The following ADORA2B variants were observed in gnomAD, a reference collection of about 807,000 sequenced individuals.
ADORA2B encodes adenosine receptor A2b.
Under a neutral mutation model 20.8 loss-of-function variants are expected in ADORA2B, and 18 were observed. The observed-to-expected ratio is 0.87, with a 90% CI of 0.60 to 1.29. The LOEUF is 1.29. Ranked by LOEUF, ADORA2B falls within the 50% of genes most tolerant of loss-of-function variation. The pLI, the probability that ADORA2B is intolerant of heterozygous loss-of-function variation, is 0.00. For missense variants in ADORA2B, 441 were observed against 422.7 expected, an observed-to-expected ratio of 1.04 and a Z score of -0.38; for synonymous variants, 179 against 178.3, an observed-to-expected ratio of 1.00 and a Z score of -0.03.
intron 1 of ADORA2B, among the ~76,000 whole-genome samples, chr17:15,969,347 G>A (rs2151608679): frequency 6.6e-6 from 1 of 152,210 alleles, no homozygotes; most frequent in South Asian, 2.1e-4. Flanking sequence ...CCAGCTACTC[G>A]GGAGGCTGAG....
At chr17:15,923,206 A>ATTTTTTTTTTTTTTTTTTTTTT in the ADORA2B span, among the ~76,000 whole-genome samples, 6 of 113,502 alleles carry the variant, frequency 5.3e-5, 1 homozygote, top group Admixed American at 1.9e-4. Flanking sequence ...TCTTTTTTTA[A>ATTTTTTTTTTTTTTTTTTTTTT]TTTTTTTTTT....
chr17:15,855,048 GC>G, the ADORA2B span, among the ~76,000 whole-genome samples: 2 of 151,498 alleles, frequency 1.3e-5, no homozygotes, highest in South Asian at 4.2e-4. Flanking sequence ...TCCTGCCTCA[GC>G]CTCCCAAGTA....
At chr17:15,866,724 G>C in the ADORA2B span, among the ~76,000 whole-genome samples, 1 of 145,234 alleles carries the variant, frequency 6.9e-6, no homozygotes, top group Non-Finnish European at 1.5e-5. Context: ...TGCCTCTGCC[G>C]CTGCCGCTGC....
chr17:15,929,493 C>A, the ADORA2B span, among the ~76,000 whole-genome samples: 1 of 152,180 alleles, frequency 6.6e-6, no homozygotes, highest in Non-Finnish European at 1.5e-5. Flanking sequence ...GGAGGGCTTT[C>A]CTGTGGAGGT....
At chr17:15,908,793 G>A in the ADORA2B span, among the ~76,000 whole-genome samples, 12,983 of 152,130 alleles carry the variant, frequency 0.085, 1,566 homozygotes, top group African/African-American at 0.26. Context: ...GAAACAGAGT[G>A]TACCTGTTTC....
At chr17:15,893,054 G>T in the ADORA2B span, among the ~76,000 whole-genome samples, 4 of 152,110 alleles carry the variant, frequency 2.6e-5, no homozygotes, top group African/African-American at 4.8e-5. Flanking sequence ...AGATATTCTT[G>T]TATATGCACT....
chr17:15,934,555 A>G, the ADORA2B span, among the ~76,000 whole-genome samples: 7 of 151,474 alleles, frequency 4.6e-5, no homozygotes, highest in South Asian at 2.1e-4. Context: ...TTGTTCCTCT[A>G]TTTCTCCATT....
the ADORA2B span, among the ~76,000 whole-genome samples, chr17:15,933,785 T>G: frequency 1.7e-3 from 253 of 146,054 alleles, no homozygotes; most frequent in South Asian, 5.2e-3. Context: ...TATATATATA[T>G]ATATAGAGAG....
At chr17:15,938,911 A>G in the ADORA2B span, among the ~76,000 whole-genome samples, 5 of 152,168 alleles carry the variant, frequency 3.3e-5, no homozygotes, top group African/African-American at 4.8e-5. Context: ...TATAGTTACT[A>G]ATTACCTCCC....
At chr17:15,873,144 G>A in the ADORA2B span, among the ~76,000 whole-genome samples, 4 of 152,086 alleles carry the variant, frequency 2.6e-5, no homozygotes, top group East Asian at 1.9e-4. Context: ...TGCTCTTTCC[G>A]CATCTATTGA....
At chr17:15,939,089 G>A in the ADORA2B span, among the ~76,000 whole-genome samples, 5 of 152,080 alleles carry the variant, frequency 3.3e-5, no homozygotes, top group Admixed American at 1.3e-4. Flanking sequence ...TGCCCAGGCC[G>A]GAGTGCAGCG....
intron 1 of ADORA2B, among the ~76,000 whole-genome samples, chr17:15,955,417 C>T (rs532609831): frequency 4.4e-4 from 58 of 131,750 alleles, no homozygotes; most frequent in African/African-American, 1.2e-3. Context: ...TTTTTTTTTT[C>T]GAGACAGAGT....
chr17:15,903,541 A>G, the ADORA2B span, among the ~76,000 whole-genome samples: 3 of 152,118 alleles, frequency 2.0e-5, no homozygotes, highest in African/African-American at 7.2e-5. Flanking sequence ...CCAAGCACCT[A>G]TGCTTCAAAA....
the ADORA2B span, among the ~76,000 whole-genome samples, chr17:15,921,045 G>A: frequency 7.1e-3 from 1,076 of 152,316 alleles, 19 homozygotes; most frequent in African/African-American, 0.024. Flanking sequence ...CCAGGCTTCC[G>A]GCCTTCCGAT....
At chr17:15,885,161 C>T in the ADORA2B span, among the ~76,000 whole-genome samples, 2 of 152,180 alleles carry the variant, frequency 1.3e-5, no homozygotes, top group Non-Finnish European at 2.9e-5. Context: ...TTGCATTTCT[C>T]TAATAAGTGA....
chr17:15,900,310 T>C, the ADORA2B span, among the ~76,000 whole-genome samples: 1 of 152,228 alleles, frequency 6.6e-6, no homozygotes, highest in African/African-American at 2.4e-5. Flanking sequence ...TAGTTTTGTT[T>C]TAAGTTTTTT....
At chr17:15,973,625 C>T (rs1180214941) in intron 1 of ADORA2B, among the ~76,000 whole-genome samples, 1 of 152,176 alleles carries the variant, frequency 6.6e-6, no homozygotes, top group African/African-American at 2.4e-5. Flanking sequence ...GAACTGTGCA[C>T]GCAGGGGATC....
At chr17:15,969,271 A>G (rs1368289794) in intron 1 of ADORA2B, among the ~76,000 whole-genome samples, 5 of 152,080 alleles carry the variant, frequency 3.3e-5, no homozygotes, top group African/African-American at 9.7e-5. Flanking sequence ...TAACACAGTG[A>G]AAACCCATCT....
chr17:15,957,130 A>G (rs72821747), intron 1 of ADORA2B, among the ~76,000 whole-genome samples: 2 of 152,222 alleles, frequency 1.3e-5, no homozygotes, highest in African/African-American at 2.4e-5. Context: ...GGCCATGGAG[A>G]TGGCAGCAGA....
Sources: allele counts gnomAD v4.1 joint callset (sites outside exome capture counted in the v4.1 genomes callset), GRCh38; gene constraint gnomAD v4.1.1; transcripts MANE v1.5; gene names NCBI Gene and HGNC (gene_info 2026-07-23, HGNC 2026-07-21).